The following WDR89 variants were observed in gnomAD, a reference collection of about 807,000 sequenced individuals.
The protein encoded by WDR89 is WD repeat-containing protein 89.
WDR89 carries 17 observed loss-of-function variants against 29.1 expected under a neutral mutation model. The observed-to-expected ratio is 0.58, with a 90% CI of 0.40 to 0.88. The LOEUF is 0.88. Among genes scored for constraint, WDR89 ranks in the 40% least tolerant of loss-of-function variants. The pLI, the probability that WDR89 is intolerant of heterozygous loss-of-function variation, is 0.00. For missense variants in WDR89, 396 were observed against 456.3 expected (o/e 0.87, Z 1.20); for synonymous variants, 138 against 157.8 (o/e 0.87, Z 0.94).
chr14:63,639,840 TTGGCACAG>T lies in WDR89; in HGVS notation c.-138+1956_-138+1963del, dbSNP rs143137002. ...AGTACAACTCAAAAACTTCACGGGT[TTGGCACAG>T]TGGCTCGTGTGTAATCCCTGCCACT... On this transcript the variant is annotated intron_variant, in intron 1 of 2. Transcript: ENST00000620954. Among the ~76,000 whole-genome samples, 1,517 of 152,294 alleles carry T rather than the reference TTGGCACAG, an allele frequency of 1.0e-2. 29 individuals are homozygous for T. The highest frequency in any genetic ancestry group is 0.035 in the African/African-American group (1,434 of 41,564).
At chr14:63,609,959 C>T (rs1425762076) in intron 2 of WDR89, among the ~76,000 whole-genome samples, 3 of 151,812 alleles carry the variant, frequency 2.0e-5, no homozygotes, top group Non-Finnish European at 2.9e-5. Flanking sequence ...CTATTAAAAA[C>T]GCCCTTGAGT....
intron 2 of WDR89, among the ~76,000 whole-genome samples, chr14:63,601,043 T>TG: frequency 6.6e-6 from 1 of 152,276 alleles, no homozygotes; most frequent in Non-Finnish European, 1.5e-5. Flanking sequence ...AGACAGAGGC[T>TG]GAGAGTGGCC....
intron 1 of WDR89, among the ~76,000 whole-genome samples, chr14:63,627,952 T>A (rs1006307688): frequency 6.6e-6 from 1 of 152,208 alleles, no homozygotes; most frequent in Non-Finnish European, 1.5e-5. Flanking sequence ...ATTTCTCTAA[T>A]AGGCTGAGCA....
At chr14:63,612,545 T>C (rs958821493) in intron 2 of WDR89, among the ~76,000 whole-genome samples, 3 of 152,016 alleles carry the variant, frequency 2.0e-5, no homozygotes, top group African/African-American at 7.3e-5. Flanking sequence ...CCGACTAATT[T>C]TGTATTTTTT....
chr14:63,628,569 G>A (rs1459434958), intron 1 of WDR89, among the ~76,000 whole-genome samples: 1 of 152,134 alleles, frequency 6.6e-6, no homozygotes, highest in African/African-American at 2.4e-5. Context: ...TAACATTTGG[G>A]GAGACAACCT....
chr14:63,610,709 T>C lies in WDR89; in HGVS notation c.-31-10736A>G, dbSNP rs544122713. Among the ~76,000 whole-genome samples, 579 of 149,062 alleles carry C rather than the reference T, an allele frequency of 3.9e-3. 6 individuals carry two copies. Among genetic ancestry groups the C allele is most frequent in the South Asian group, 0.027 (125 of 4,704 alleles). ...ATTCTTTTCTTTTCTTTTCTTTTTT[T>C]TTTTTTTTTTTGAGAGGGAGTCTCA... On this transcript the variant is annotated intron_variant, in intron 2 of 2. Transcript: ENST00000620954.
intron 2 of WDR89, among the ~76,000 whole-genome samples, chr14:63,605,516 G>A (rs1177974776): frequency 2.0e-5 from 3 of 151,378 alleles, no homozygotes; most frequent in Non-Finnish European, 2.9e-5. Context: ...CTGTAATGCA[G>A]TGGCACCATC....
At chr14:63,634,084 T>C (rs904310245) in intron 1 of WDR89, among the ~76,000 whole-genome samples, 7 of 152,214 alleles carry the variant, frequency 4.6e-5, no homozygotes, top group African/African-American at 1.7e-4. Context: ...GTTTACCATA[T>C]TAATAATTAC....
chr14:63,618,418 G>C (rs776239283), intron 2 of WDR89, among the ~76,000 whole-genome samples: 7 of 152,190 alleles, frequency 4.6e-5, no homozygotes, highest in South Asian at 4.1e-4. Flanking sequence ...GCCTCCCAAA[G>C]TGCTGGGATT....
intron 2 of WDR89, among the ~76,000 whole-genome samples, chr14:63,604,508 C>T (rs945025480): frequency 6.6e-6 from 1 of 152,094 alleles, no homozygotes; most frequent in Non-Finnish European, 1.5e-5. Context: ...AAACATGTAC[C>T]ACCTATACTT....
intron 2 of WDR89, chr14:63,601,674 G>A: frequency 6.2e-7 from 1 of 1,612,070 alleles, no homozygotes; most frequent in Non-Finnish European, 8.5e-7. Flanking sequence ...TAAAGGAAAG[G>A]GTGGAGAGAT....
intron 1 of WDR89, among the ~76,000 whole-genome samples, chr14:63,632,130 A>C (rs1883445012): frequency 6.6e-6 from 1 of 151,866 alleles, no homozygotes; most frequent in Non-Finnish European, 1.5e-5. Context: ...AAACAAACAA[A>C]AAAAAAACTA....
At chr14:63,636,183 AAAG>A (rs1314251174) in intron 1 of WDR89, among the ~76,000 whole-genome samples, 1 of 152,158 alleles carries the variant, frequency 6.6e-6, no homozygotes, top group African/African-American at 2.4e-5. Context: ...CTCAAAAAAG[AAAG>A]AAGAAAAAAA....
At chr14:63,604,287 G>A (rs1016716509) in intron 2 of WDR89, among the ~76,000 whole-genome samples, 1 of 152,096 alleles carries the variant, frequency 6.6e-6, no homozygotes, top group African/African-American at 2.4e-5. Context: ...TGAGGCAGGT[G>A]TGGTAGTGCA....
chr14:63,616,154 G>C (rs1472874451), intron 2 of WDR89, among the ~76,000 whole-genome samples: 3 of 151,992 alleles, frequency 2.0e-5, no homozygotes. Flanking sequence ...TCAGCTACTT[G>C]AGATGCTGAG....
intron 1 of WDR89, among the ~76,000 whole-genome samples, chr14:63,639,345 C>T (rs1883943087): frequency 7.0e-6 from 1 of 143,172 alleles, no homozygotes; most frequent in Admixed American, 7.0e-5. Flanking sequence ...CATAGCGAGA[C>T]CTCATCTCTA....
chr14:63,627,498 A>C (rs1182501427), intron 1 of WDR89, among the ~76,000 whole-genome samples: 4 of 152,158 alleles, frequency 2.6e-5, no homozygotes, highest in Non-Finnish European at 5.9e-5. Context: ...AGGTTTTGAC[A>C]AATACATGTA....
chr14:63,606,146 C>T (rs1043251001), intron 2 of WDR89, among the ~76,000 whole-genome samples: 5 of 152,132 alleles, frequency 3.3e-5, no homozygotes, highest in Non-Finnish European at 7.3e-5. Context: ...CAGGGTCTCA[C>T]TATTTTGACC....
intron 2 of WDR89, among the ~76,000 whole-genome samples, chr14:63,601,220 A>G (rs904163584): frequency 1.3e-5 from 2 of 152,042 alleles, no homozygotes; most frequent in Non-Finnish European, 2.9e-5. Flanking sequence ...AGTTTGCAGT[A>G]ATTTGTTATA....
Sources: gnomAD v4.1 joint callset for allele counts (sites outside exome capture counted in the v4.1 genomes callset) on GRCh38, gnomAD v4.1.1 for gene constraint, MANE v1.5 for transcripts, NCBI Gene and HGNC (gene_info 2026-07-23, HGNC 2026-07-21) for gene names.